HACE1: variants seen among roughly 807,000 people sequenced by gnomAD.
HACE1 encodes HECT domain and ankyrin repeat containing E3 ubiquitin protein ligase 1.
HACE1 carries 73 observed loss-of-function variants against 118.4 expected under a neutral mutation model. The ratio of observed to expected loss-of-function variants is 0.62; its 90% CI spans 0.51 to 0.75. The LOEUF (loss-of-function observed/expected upper bound fraction) is 0.75. Ranked by LOEUF, HACE1 falls within the 30% of genes least tolerant of loss-of-function variation. The probability of loss-of-function intolerance (pLI) is 0.00; values close to 1 mark genes in which losing one functional copy is unlikely to be tolerated. For missense variants in HACE1, 749 were observed against 1,102.2 expected (o/e 0.68, Z 4.54); for synonymous variants, 368 against 374.8 (o/e 0.98, Z 0.21).
chr6:104,846,578 A>G lies in HACE1; in HGVS notation c.326+2564T>C, dbSNP rs1775690912. On this transcript the variant is annotated intron_variant, in intron 4 of 23. Coordinates refer to ENST00000262903, the MANE Select transcript of HACE1 (RefSeq NM_020771.4). The stretch of plus-strand genomic sequence containing the variant: ...AGGAGGACAATCCAATACAGCACTA[A>G]TGGCAAAGAGAAAAATGCTAAAGCA... 2.0e-5 allele frequency among the ~76,000 whole-genome samples: 3 copies of G among 152,220 alleles called. No homozygotes were observed. The South Asian group carries it at 6.2e-4, about 32-fold the overall frequency.
intron 19 of HACE1, among the ~76,000 whole-genome samples, chr6:104,769,412 T>C (rs1780378772): frequency 6.6e-6 from 1 of 152,170 alleles, no homozygotes; most frequent in Non-Finnish European, 1.5e-5. Context: ...ATGGTTCTCT[T>C]ATCAAAGGCA....
rs138330323 is a variant in HACE1, at chr6:104,802,187, C to T, written c.618-5162G>A. Among the ~76,000 whole-genome samples the T allele has an allele frequency of 1.0e-2, 1,515 of 152,238 alleles. 21 individuals carry two copies. Among genetic ancestry groups the T allele is most frequent in the African/African-American group, 0.035 (1,454 of 41,526 alleles). On this transcript the variant is annotated intron_variant, in intron 7 of 23. Transcript: ENST00000262903. ...GCTAACTATCCTAAATATATATGCA[C>T]TCAACACAGGAGCACGCAGACTCAT... is the stretch of plus-strand genomic sequence containing the variant.
intron 20 of HACE1, among the ~76,000 whole-genome samples, chr6:104,745,199 T>A (rs1777283974): frequency 6.6e-6 from 1 of 152,148 alleles, no homozygotes. Flanking sequence ...AAAAATGCAA[T>A]TTTCCTAATG....
chr6:104,855,208 G>T (rs1378823957), intron 1 of HACE1, among the ~76,000 whole-genome samples: 3 of 152,182 alleles, frequency 2.0e-5, no homozygotes, highest in Admixed American at 2.0e-4. Flanking sequence ...ACTTTGGGAG[G>T]CCAAGTCAGG....
chr6:104,797,912 T>C (rs940642308), intron 7 of HACE1, among the ~76,000 whole-genome samples: 4 of 151,630 alleles, frequency 2.6e-5, no homozygotes, highest in Admixed American at 2.0e-4. Context: ...CTATTAAAAA[T>C]ACAAAATTAG....
chr6:104,742,736 T>C (rs1273639430), intron 22 of HACE1, among the ~76,000 whole-genome samples: 7 of 151,702 alleles, frequency 4.6e-5, no homozygotes, highest in Non-Finnish European at 7.4e-5. Context: ...AGTTCAACCA[T>C]TGTGGAAGTC....
chr6:104,732,551 G>A (rs1173482370), intron 22 of HACE1, among the ~76,000 whole-genome samples: 3 of 152,104 alleles, frequency 2.0e-5, no homozygotes, highest in East Asian at 3.9e-4. Context: ...AAGGAGGAGG[G>A]GGAGTTAGTG....
At chr6:104,764,346 G>A (rs1457434460) in intron 19 of HACE1, among the ~76,000 whole-genome samples, 1 of 152,146 alleles carries the variant, frequency 6.6e-6, no homozygotes. Flanking sequence ...CCAAAGTGCT[G>A]GGATTACAGG....
chr6:104,744,077 A>G (rs1777131930), intron 22 of HACE1, 83 bp downstream of exon 22: 1 of 835,466 alleles, frequency 1.2e-6, no homozygotes, highest in Admixed American at 1.8e-5. Flanking sequence ...TCAGAGTAAT[A>G]ATTCCTTATT....
At chr6:104,844,469 G>C (rs140984762) in intron 4 of HACE1, among the ~76,000 whole-genome samples, 1 of 148,532 alleles carries the variant, frequency 6.7e-6, no homozygotes, top group Non-Finnish European at 1.5e-5. Flanking sequence ...TCAGCCTCTC[G>C]AGTAGCTGGG....
At chr6:104,850,848 C>A in intron 3 of HACE1, 59 bp downstream of exon 3, 1 of 1,031,582 alleles carries the variant, frequency 9.7e-7, no homozygotes, top group South Asian at 1.3e-5. Context: ...TAATGCTGTT[C>A]AAAGCTTACT....
At chr6:104,810,018 T>A (rs1392090625) in intron 7 of HACE1, among the ~76,000 whole-genome samples, 2 of 152,026 alleles carry the variant, frequency 1.3e-5, no homozygotes, top group East Asian at 3.9e-4. Context: ...TGTTAATATG[T>A]GAGATTCTGT....
intron 1 of HACE1, among the ~76,000 whole-genome samples, chr6:104,855,314 G>A (rs1357206209): frequency 6.6e-6 from 1 of 151,958 alleles, no homozygotes; most frequent in African/African-American, 2.4e-5. Flanking sequence ...ATGGTGGCAG[G>A]CACCTGTAGT....
intron 19 of HACE1, among the ~76,000 whole-genome samples, chr6:104,756,902 T>C (rs1778761033): frequency 1.3e-5 from 2 of 152,238 alleles, no homozygotes; most frequent in African/African-American, 2.4e-5. Flanking sequence ...CTTCTGTGCC[T>C]GGCTCAGAGG....
chr6:104,735,965 G>C (rs1333944272), intron 22 of HACE1, among the ~76,000 whole-genome samples: 1 of 151,748 alleles, frequency 6.6e-6, no homozygotes, highest in Non-Finnish European at 1.5e-5. Flanking sequence ...AATTCAAAAA[G>C]TTATAAAATA....
intron 10 of HACE1, among the ~76,000 whole-genome samples, chr6:104,793,537 GT>G (rs1406672610): frequency 6.6e-6 from 1 of 152,110 alleles, no homozygotes; most frequent in Non-Finnish European, 1.5e-5. Flanking sequence ...CCTGAAATCA[GT>G]TAGATAATAG....
At chr6:104,791,745 T>C (rs770462250) in intron 10 of HACE1, 91 bp from the exon 11 acceptor site, 5 of 808,702 alleles carry the variant, frequency 6.2e-6, no homozygotes, top group Non-Finnish European at 1.0e-5. Flanking sequence ...ACTGACCATC[T>C]GTTTCATATT....
intron 7 of HACE1, among the ~76,000 whole-genome samples, chr6:104,809,314 C>A (rs1324443300): frequency 6.6e-6 from 1 of 152,094 alleles, no homozygotes. Context: ...ATACTGCGAT[C>A]AAAAATCTGG....
At chr6:104,776,160 T>G (rs1450790342) in intron 17 of HACE1, among the ~76,000 whole-genome samples, 1 of 152,214 alleles carries the variant, frequency 6.6e-6, no homozygotes, top group Non-Finnish European at 1.5e-5. Flanking sequence ...AGCTTTATAG[T>G]AGCCAGGTCT....
Sources: allele counts gnomAD v4.1 joint callset (sites outside exome capture counted in the v4.1 genomes callset), GRCh38; gene constraint gnomAD v4.1.1; transcripts MANE v1.5; gene names NCBI Gene and HGNC (gene_info 2026-07-23, HGNC 2026-07-21).